AARSD1: variants seen among roughly 807,000 people sequenced by gnomAD.
AARSD1 encodes the protein alanyl-tRNA synthetase domain containing 1, also known as alanyl-tRNA editing protein Aarsd1.
AARSD1 carries 44 observed loss-of-function variants against 48.7 expected under a neutral mutation model. The ratio of observed to expected loss-of-function variants is 0.90; its 90% CI spans 0.71 to 1.16. The LOEUF (loss-of-function observed/expected upper bound fraction) is 1.16, where lower values mean the gene tolerates loss of function less well. Among genes scored for constraint, AARSD1 ranks in the 50% most tolerant of loss-of-function variants. The pLI, the probability that AARSD1 is intolerant of heterozygous loss-of-function variation, is 0.00. For missense variants in AARSD1, 511 were observed against 523.1 expected (o/e 0.98, Z 0.23); for synonymous variants, 189 against 194.9 (o/e 0.97, Z 0.25).
chr17:42,959,615 C>T (rs562076119), intron 3 of AARSD1, among the ~76,000 whole-genome samples: 231 of 152,038 alleles, frequency 1.5e-3, no homozygotes, highest in Middle Eastern at 3.4e-3. Context: ...GTGTCAGCCT[C>T]CCAGAGTGCT....
chr17:42,955,835 GGCATACTTAA>G lies in AARSD1; in HGVS notation c.791_794+6del. ...GGAGGTAATCGAAGGTACTGAAACA[GGCATACTTAA>G]GCAGAGCAGTCAGTGCTTTTTCAGT... is the stretch of plus-strand genomic sequence containing the variant. On this transcript the variant is annotated splice_donor_variant and splice_donor_5th_base_variant and coding_sequence_variant and intron_variant, in exon 7 of 12. Coordinates refer to ENST00000427569, the MANE Select transcript of AARSD1 (RefSeq NM_001261434.2). LOFTEE classifies it high-confidence loss of function. 1 of 1,614,084 alleles carries G rather than the reference GGCATACTTAA, an allele frequency of 6.2e-7. No homozygotes were observed. Among genetic ancestry groups the G allele is most frequent in the Non-Finnish European group, 8.5e-7 (1 of 1,180,010 alleles).
rs1597715883 is a variant in AARSD1 at position 42,958,118 on chromosome 17, C to G, written c.332-923G>C. Among the ~76,000 whole-genome samples the G allele has an allele frequency of 2.0e-5, 3 of 152,254 alleles. No homozygotes were observed. In the South Asian group the frequency reaches 6.2e-4, roughly 32 times the overall value. ...GAGCCACCCAGATACAGCTTGTATGCCATGGTAAAAAGTTTGGCTTTACAC... is the reference window on the plus strand; with the variant it reads ...GAGCCACCCAGATACAGCTTGTATGGCATGGTAAAAAGTTTGGCTTTACAC... On this transcript the variant is annotated intron_variant, in intron 3 of 11. Transcript: ENST00000427569.
chr17:42,951,730 A>C (rs2049481150), intron 11 of AARSD1, 70 bp downstream of exon 11: 10 of 1,514,896 alleles, frequency 6.6e-6, no homozygotes, highest in Non-Finnish European at 9.1e-6. Flanking sequence ...TGGTCCTTTG[A>C]CTCAGTAAAG....
chr17:42,957,211 C>T lies in AARSD1; in HGVS notation c.332-16G>A. On this transcript the variant is annotated splice_polypyrimidine_tract_variant and intron_variant, in intron 3 of 11. Transcript: ENST00000427569. ...AGATGCTGCCCTAAGCAAAGAGAGC[C>T]AGAGACAGGAGAAAAGTGAGAAGCC... 1.2e-6 allele frequency: 2 copies of T among 1,613,136 alleles called. No individual in the cohort carries two copies. Among genetic ancestry groups the T allele is most frequent in the Non-Finnish European group, 8.5e-7 (1 of 1,179,502 alleles).
intron 9 of AARSD1, 164 bp from the exon 10 acceptor site, chr17:42,953,942 C>T: frequency 3.8e-6 from 3 of 783,628 alleles, no homozygotes; most frequent in Non-Finnish European, 6.2e-6. Context: ...GCAAGCTGCC[C>T]TTCTCAGCCT....
At chr17:42,954,068 T>C (rs7218454) in intron 9 of AARSD1, 258,693 of 394,820 alleles carry the variant, frequency 0.66, 89,112 homozygotes, top group East Asian at 0.85. Context: ...TAAAGAAAGA[T>C]ACAGGCTGGA....
chr17:42,959,963 C>T (rs2151942736), intron 3 of AARSD1, among the ~76,000 whole-genome samples: 1 of 152,058 alleles, frequency 6.6e-6, no homozygotes, highest in African/African-American at 2.4e-5. Context: ...CACCTGGCTG[C>T]CATATTTTCA....
intron 11 of AARSD1, among the ~76,000 whole-genome samples, 173 bp from the exon 12 acceptor site, chr17:42,950,901 G>T (rs2049471373): frequency 6.6e-6 from 1 of 152,076 alleles, no homozygotes. Context: ...GCTCACACCT[G>T]TAATCCCAGC....
At position 42,957,410 on chromosome 17, in the gene AARSD1, C is replaced by G. The variant is rs2049573275; in HGVS notation, c.332-215G>C. ...ATTTCACAGATGAGGAAACTGAAGC[C>G]TAGAGAGATCAAATAACTTGCCATG... is the stretch of plus-strand genomic sequence containing the variant. On this transcript the variant is annotated intron_variant, in intron 3 of 11. Coordinates refer to ENST00000427569, the MANE Select transcript of AARSD1 (RefSeq NM_001261434.2). 7.0e-6 allele frequency: 3 copies of G among 430,490 alleles called. No homozygotes were observed. The South Asian group carries it at 1.5e-4, about 21-fold the overall frequency. 26.7% of individuals were successfully genotyped at this position (430,490 alleles called of 1,614,324 possible). A position where few individuals can be genotyped will look rare whatever the true frequency, so the allele number is the denominator to read the frequency against.
chr17:42,952,468 C>T (rs2049492294), intron 10 of AARSD1, among the ~76,000 whole-genome samples: 1 of 152,182 alleles, frequency 6.6e-6, no homozygotes, highest in African/African-American at 2.4e-5. Context: ...ATACACAACG[C>T]TTTACCCACA....
chr17:42,952,256 T>C (rs2049489546), intron 10 of AARSD1: 2 of 296,800 alleles, frequency 6.7e-6, no homozygotes, highest in Non-Finnish European at 6.6e-6. Context: ...GCCCCTTGTC[T>C]GTCTGATGAC....
Position 42,955,919 on chromosome 17 carries a change from T to C in AARSD1, c.717A>G (p.Ile239Met), listed in dbSNP as rs1184192642. The C allele has an allele frequency of 1.2e-6, 2 of 1,614,056 alleles. No homozygotes were observed. Among genetic ancestry groups the C allele is most frequent in the South Asian group, 2.2e-5 (2 of 91,084 alleles). Residue 239 changes from isoleucine to methionine, a missense_variant, in exon 7 of 12, where the codon ATA (isoleucine) becomes ATG (methionine). Physicochemically the swap from Ile to Met is conservative, Grantham distance 10. Transcript: ENST00000427569. ...TCAGCACCCGGTTCCCAGACAGAAA[T>C]ATCAGGTTGGTTCTGTTCTTTTTCC... ...EKGKKNRTNLIFLSGNRVLKW... is the reference protein window; with the variant it reads ...EKGKKNRTNLMFLSGNRVLKW...
rs751877606 is a variant in AARSD1 at position 42,950,738 on chromosome 17, A to G, written c.1104-10T>C. 2 of 1,611,338 alleles carry G rather than the reference A, an allele frequency of 1.2e-6. No homozygotes were observed. Among genetic ancestry groups the G allele is most frequent in the South Asian group, 2.2e-5 (2 of 90,828 alleles). ...CAGGACCTCAGCCACCCTGGGGAAC[A>G]GAGGTATAGTCAGGGAGACTTTGAG... On this transcript the variant is annotated splice_polypyrimidine_tract_variant and intron_variant, in intron 11 of 11. Coordinates refer to ENST00000427569, the MANE Select transcript of AARSD1 (RefSeq NM_001261434.2).
intron 9 of AARSD1, 137 bp downstream of exon 9, chr17:42,954,739 A>T: frequency 1.0e-6 from 1 of 984,824 alleles, no homozygotes; most frequent in Non-Finnish European, 1.5e-6. Flanking sequence ...GGCCAGTAAC[A>T]TATTTCTTAG....
At chr17:42,955,434 A>ATAT in intron 7 of AARSD1, 1 of 405,878 alleles carries the variant, frequency 2.5e-6, no homozygotes. Flanking sequence ...AAAGCACTTG[A>ATAT]TCTTTTTTTT....
chr17:42,951,117 C>T (rs1197872734), intron 11 of AARSD1, among the ~76,000 whole-genome samples: 3 of 152,114 alleles, frequency 2.0e-5, no homozygotes, highest in Admixed American at 1.3e-4. Flanking sequence ...GAGATGGTGC[C>T]ATTGCACTCC....
intron 8 of AARSD1, 78 bp from the exon 9 acceptor site, chr17:42,955,045 TC>T: frequency 1.9e-6 from 3 of 1,610,228 alleles, no homozygotes; most frequent in Non-Finnish European, 2.5e-6. Context: ...CACCTCATTC[TC>T]CCCTCACTCC....
chr17:42,951,948 C>G lies in AARSD1; in HGVS notation c.1009-54G>C, dbSNP rs1471917058. The G allele has an allele frequency of 1.9e-6, 3 of 1,569,912 alleles. No individual in the cohort carries two copies. In the East Asian group the frequency reaches 6.7e-5, roughly 35 times the overall value. On this transcript the variant is annotated intron_variant, in intron 10 of 11. Coordinates refer to ENST00000427569, the MANE Select transcript of AARSD1 (RefSeq NM_001261434.2). ...TGATACTGAAGGATGTAGAGTCAAC[C>G]CCCCAAATCCTGCACTCTCTTCAAT... is the stretch of plus-strand genomic sequence containing the variant.
intron 11 of AARSD1, 84 bp from the exon 12 acceptor site, chr17:42,950,812 G>A: frequency 6.6e-7 from 1 of 1,524,458 alleles, no homozygotes; most frequent in South Asian, 1.3e-5. Context: ...TTTTTCCAGG[G>A]ACTGGGAGAG....
Sources: gnomAD v4.1 joint callset for allele counts (sites outside exome capture counted in the v4.1 genomes callset) on GRCh38, gnomAD v4.1.1 for gene constraint, MANE v1.5 for transcripts, NCBI Gene and HGNC (gene_info 2026-07-23, HGNC 2026-07-21) for gene names.